BRSK2: variants seen among roughly 807,000 people sequenced by gnomAD.
BRSK2 encodes BR serine/threonine kinase 2.
A neutral mutation model predicts 83.3 loss-of-function variants in BRSK2; 19 were observed. The observed-to-expected ratio is 0.23, with a 90% CI of 0.16 to 0.33. The LOEUF (loss-of-function observed/expected upper bound fraction) is 0.33. BRSK2 is among the 10% of genes least tolerant of loss of function. BRSK2 has a pLI of 1.00. For synonymous variants in BRSK2, 519 were observed against 435.4 expected, an observed-to-expected ratio of 1.19 and a Z score of -2.39; for missense variants, 798 against 1,042.3, an observed-to-expected ratio of 0.77 and a Z score of 3.23.
chr11:1,397,190 G>T (rs748677638), intron 1 of BRSK2, among the ~76,000 whole-genome samples: 29 of 152,356 alleles, frequency 1.9e-4, no homozygotes, highest in African/African-American at 7.0e-4. Flanking sequence ...CTGACCAAGC[G>T]GCCTGCAGAT....
intron 2 of BRSK2, among the ~76,000 whole-genome samples, chr11:1,437,341 G>A (rs1452640969): frequency 1.3e-5 from 2 of 152,190 alleles, no homozygotes; most frequent in African/African-American, 4.8e-5. Context: ...TAGCTCCAAA[G>A]CCTGGTCCAC....
At chr11:1,436,250 G>GGGGC in intron 2 of BRSK2, 116 bp downstream of exon 2, 1 of 168,876 alleles carries the variant, frequency 5.9e-6, no homozygotes. Context: ...GGGGGGGCGG[G>GGGGC]CCCTGCAGGC....
At chr11:1,396,612 C>T (rs1846140504) in intron 1 of BRSK2, among the ~76,000 whole-genome samples, 1 of 152,222 alleles carries the variant, frequency 6.6e-6, no homozygotes, top group African/African-American at 2.4e-5. Flanking sequence ...CGGGAAGGCC[C>T]CTTTGCCATC....
At chr11:1,439,894 A>C (rs868113490) in intron 3 of BRSK2, among the ~76,000 whole-genome samples, 2 of 143,596 alleles carry the variant, frequency 1.4e-5, no homozygotes, top group South Asian at 4.3e-4. Flanking sequence ...GGGGCTTCAC[A>C]CCTTCCCCTG....
intron 1 of BRSK2, among the ~76,000 whole-genome samples, chr11:1,426,426 C>T (rs973853063): frequency 2.6e-5 from 4 of 152,178 alleles, no homozygotes; most frequent in African/African-American, 9.7e-5. Context: ...CACTTTAATC[C>T]TTTCAGACTC....
At chr11:1,457,496 C>A (rs777055105) in intron 18 of BRSK2, among the ~76,000 whole-genome samples, 26 of 152,222 alleles carry the variant, frequency 1.7e-4, no homozygotes, top group Non-Finnish European at 2.8e-4. Flanking sequence ...GGGCTCCCCC[C>A]ACTCCCCTGG....
chr11:1,400,919 G>A (rs1309513193), intron 1 of BRSK2, among the ~76,000 whole-genome samples: 1 of 152,342 alleles, frequency 6.6e-6, no homozygotes, highest in East Asian at 1.9e-4. Flanking sequence ...AGTGGCTGCC[G>A]GCGGCGGGGC....
chr11:1,433,484 G>C (rs1450618924), intron 1 of BRSK2, among the ~76,000 whole-genome samples: 1 of 152,258 alleles, frequency 6.6e-6, no homozygotes, highest in Non-Finnish European at 1.5e-5. Flanking sequence ...TTGTCCTGAG[G>C]GTTTTTAGGG....
At chr11:1,393,042 C>T (rs982563680) in intron 1 of BRSK2, among the ~76,000 whole-genome samples, 1 of 152,160 alleles carries the variant, frequency 6.6e-6, no homozygotes, top group Admixed American at 6.5e-5. Flanking sequence ...GGGTGGGAAC[C>T]CACCTGCAAA....
At position 1,423,391 on chromosome 11, in the gene BRSK2, G is replaced by A. The variant is rs546821232; in HGVS notation, c.92-12649G>A. Among the ~76,000 whole-genome samples, 29 of 152,284 alleles carry A rather than the reference G, an allele frequency of 1.9e-4. No individual in the cohort carries two copies. In the South Asian group the frequency reaches 4.4e-3, roughly 23 times the overall value. The stretch of plus-strand genomic sequence containing the variant: ...GAGGCCTCTGGCCAGGTTCAGGCAC[G>A]TGGAGAGTGTGTGTGGGGAGAAGTT... On this transcript the variant is annotated intron_variant, in intron 1 of 19. Coordinates refer to ENST00000528841, the MANE Select transcript of BRSK2 (RefSeq NM_001256627.2). The surrounding 1 kb of genome is among the most constrained non-coding windows in gnomAD (Gnocchi z 6.5).
intron 1 of BRSK2, among the ~76,000 whole-genome samples, chr11:1,392,720 C>T (rs754794891): frequency 3.3e-5 from 5 of 152,344 alleles, no homozygotes; most frequent in Admixed American, 6.5e-5. Flanking sequence ...CCCTTCTAGA[C>T]GCCGCAGGGT....
Position 1,440,824 on chromosome 11 carries a change from C to T in BRSK2, c.309C>T (p.Leu103=), listed in dbSNP as rs953041001. 1.9e-6 allele frequency: 3 copies of T among 1,593,100 alleles called. No individual in the cohort carries two copies. The African/African-American group carries it at 4.0e-5, about 21-fold the overall frequency. The change falls in exon 4 of 20, where the codon CTC becomes CTT. Residue 103 remains leucine, a synonymous_variant. Transcript: ENST00000528841. ...TAGAACACGTGTCAGGTGGTGAGCT[C>T]TTCGACTACCTGGTGAAGAAGGGGA... is the stretch of plus-strand genomic sequence containing the variant. ...LVLEHVSGGE[L]FDYLVKKGRL...
rs377180345 is a variant in BRSK2 at position 1,445,721 on chromosome 11, C to T, written c.1076-36C>T. ...CGGCCTGCACTGCCCCACCGGGGTC[C>T]GGGGGCTGTCTGGCCTGACCTTCGT... On this transcript the variant is annotated intron_variant, in intron 11 of 19. Coordinates refer to ENST00000528841, the MANE Select transcript of BRSK2 (RefSeq NM_001256627.2). The T allele has an allele frequency of 8.1e-4, 1,308 of 1,610,912 alleles. 4 individuals are homozygous for T. Among genetic ancestry groups the T allele is most frequent in the Non-Finnish European group, 1.0e-3 (1,203 of 1,178,574 alleles).
chr11:1,445,512 C>G, intron 10 of BRSK2, 54 bp downstream of exon 10: 5 of 1,605,350 alleles, frequency 3.1e-6, no homozygotes, highest in Non-Finnish European at 4.2e-6. Context: ...GGGAGCGCTG[C>G]CCCGGAGGAG....
chr11:1,422,654 C>G lies in BRSK2; in HGVS notation c.92-13386C>G, dbSNP rs144750864. On this transcript the variant is annotated intron_variant, in intron 1 of 19. Transcript: ENST00000528841. ...TGAAGACCTGCTTCCAAGGACACTC[C>G]TCCCTGACAGTCCTGTCCATGGTGC... 3.3e-5 allele frequency among the ~76,000 whole-genome samples: 5 copies of G among 152,288 alleles called. No individual in the cohort carries two copies. The East Asian group carries it at 9.7e-4, about 29-fold the overall frequency.
At chr11:1,434,246 C>T (rs966377874) in intron 1 of BRSK2, among the ~76,000 whole-genome samples, 6 of 152,222 alleles carry the variant, frequency 3.9e-5, no homozygotes, top group Admixed American at 2.0e-4. Context: ...AGCGCGTGCA[C>T]GGAAGGATGG....
intron 18 of BRSK2, among the ~76,000 whole-genome samples, chr11:1,458,393 T>G (rs1295806924): frequency 6.6e-6 from 1 of 151,976 alleles, no homozygotes; most frequent in Non-Finnish European, 1.5e-5. Flanking sequence ...CCCATCTATC[T>G]CCCTGTGGAC....
At chr11:1,440,106 C>T (rs114219892) in intron 3 of BRSK2, among the ~76,000 whole-genome samples, 1 of 152,192 alleles carries the variant, frequency 6.6e-6, no homozygotes, top group Non-Finnish European at 1.5e-5. Context: ...GGCCTCCCCC[C>T]CGAGCTGGTT....
intron 12 of BRSK2, among the ~76,000 whole-genome samples, chr11:1,447,157 C>T (rs1421463212): frequency 6.6e-6 from 1 of 152,110 alleles, no homozygotes; most frequent in African/African-American, 2.4e-5. Flanking sequence ...GTCAGCGCAG[C>T]CCTGACGCCA....
Sources: gnomAD v4.1 joint callset for allele counts (sites outside exome capture counted in the v4.1 genomes callset) on GRCh38, gnomAD v4.1.1 for gene constraint, Gnocchi (gnomAD v3.1) non-coding constraint, MANE v1.5 for transcripts, NCBI Gene and HGNC (gene_info 2026-07-23, HGNC 2026-07-21) for gene names.